SCLT1: variants seen among roughly 807,000 people sequenced by gnomAD.
SCLT1 encodes the protein sodium channel-associated protein 1.
Under a neutral mutation model 112.8 loss-of-function variants are expected in SCLT1, and 78 were observed. The ratio of observed to expected loss-of-function variants is 0.69; its 90% CI spans 0.58 to 0.83. SCLT1 has a LOEUF of 0.83. Ranked by LOEUF, SCLT1 falls within the 40% of genes least tolerant of loss-of-function variation. The pLI, the probability that SCLT1 is intolerant of heterozygous loss-of-function variation, is 0.00. For missense variants in SCLT1, 747 were observed against 770.4 expected, an observed-to-expected ratio of 0.97 and a Z score of 0.36; for synonymous variants, 257 against 254.7, an observed-to-expected ratio of 1.01 and a Z score of -0.09.
At chr4:128,942,302 T>C (rs948609647) in intron 17 of SCLT1, among the ~76,000 whole-genome samples, 13 of 152,174 alleles carry the variant, frequency 8.5e-5, no homozygotes, top group Middle Eastern at 3.4e-3. Context: ...AATAAAACAG[T>C]GACATGACCT....
chr4:129,061,882 G>A (rs771623832), intron 2 of SCLT1, among the ~76,000 whole-genome samples: 24 of 152,310 alleles, frequency 1.6e-4, no homozygotes, highest in Middle Eastern at 3.4e-3. Context: ...CACACTAGTT[G>A]CATAAGCCTC....
chr4:128,893,266 C>T (rs1189234010), intron 18 of SCLT1, among the ~76,000 whole-genome samples: 1 of 152,122 alleles, frequency 6.6e-6, no homozygotes, highest in Admixed American at 6.5e-5. Flanking sequence ...TTTAAGATCA[C>T]AAAGACACAA....
At chr4:128,934,004 T>C (rs2125979357) in intron 18 of SCLT1, among the ~76,000 whole-genome samples, 1 of 152,160 alleles carries the variant, frequency 6.6e-6, no homozygotes, top group East Asian at 1.9e-4. Context: ...AGTTAAGCCA[T>C]CAACTTCCTA....
chr4:129,083,484 T>C (rs1752136824), intron 1 of SCLT1, among the ~76,000 whole-genome samples: 1 of 150,272 alleles, frequency 6.7e-6, no homozygotes, highest in African/African-American at 2.4e-5. Context: ...ATCCTCTATA[T>C]GTTTGGAAGT....
chr4:129,021,954 GAGCAGGT>G (rs1379853688), intron 5 of SCLT1, among the ~76,000 whole-genome samples: 1 of 152,108 alleles, frequency 6.6e-6, no homozygotes, highest in East Asian at 1.9e-4. Context: ...CTCTGGGATG[GAGCAGGT>G]AGCAATTTTT....
At chr4:129,008,868 T>C (rs939772853) in intron 5 of SCLT1, among the ~76,000 whole-genome samples, 9 of 152,160 alleles carry the variant, frequency 5.9e-5, no homozygotes, top group African/African-American at 2.2e-4. Flanking sequence ...TACATGTCCA[T>C]GTGTTCTCAT....
intron 8 of SCLT1, among the ~76,000 whole-genome samples, chr4:128,993,993 T>A (rs1742796295): frequency 1.3e-5 from 2 of 152,116 alleles, no homozygotes; most frequent in African/African-American, 4.8e-5. Context: ...TAATTTGCAT[T>A]GGTAAAGAAA....
chr4:129,061,202 C>T (rs1749934437), intron 2 of SCLT1, among the ~76,000 whole-genome samples: 1 of 152,136 alleles, frequency 6.6e-6, no homozygotes, highest in Admixed American at 6.6e-5. Context: ...TTATCTGTAT[C>T]TTACTTTCTG....
At chr4:129,082,150 G>C (rs1751995772) in intron 2 of SCLT1, among the ~76,000 whole-genome samples, 156 bp downstream of exon 2, 1 of 152,112 alleles carries the variant, frequency 6.6e-6, no homozygotes, top group Admixed American at 6.5e-5. Flanking sequence ...ACTCTGGTTG[G>C]GGGGAAAAGG....
At chr4:128,970,694 T>C in intron 9 of SCLT1, 2 of 445,770 alleles carry the variant, frequency 4.5e-6, no homozygotes, top group Non-Finnish European at 8.0e-6. Context: ...GTAGAGGTCA[T>C]GAATGCTGTA....
chr4:129,023,179 C>T (rs1038197988), intron 5 of SCLT1, among the ~76,000 whole-genome samples: 3 of 152,194 alleles, frequency 2.0e-5, no homozygotes, highest in African/African-American at 7.2e-5. Context: ...CCAGTACCAG[C>T]CACTGCAAAA....
Position 128,891,142 on chromosome 4 carries a change from T to G in SCLT1, c.1830-5A>C, listed in dbSNP as rs58335620. ...TTCTGTCGACTCAGCTCACTCCTAT[T>G]AAGAGCACCAAAAAATCCATTAATA... On this transcript the variant is annotated splice_region_variant and splice_polypyrimidine_tract_variant and intron_variant, in intron 18 of 20. Transcript: ENST00000281142. 1 of 1,604,570 alleles carries G rather than the reference T, an allele frequency of 6.2e-7. No homozygotes were observed.
At chr4:129,050,508 T>C (rs1748677009) in intron 2 of SCLT1, among the ~76,000 whole-genome samples, 1 of 152,246 alleles carries the variant, frequency 6.6e-6, no homozygotes, top group Non-Finnish European at 1.5e-5. Context: ...TTTTTCTTCA[T>C]GTTTGTTGGC....
intron 2 of SCLT1, among the ~76,000 whole-genome samples, chr4:129,057,555 A>G (rs866869115): frequency 3.8e-4 from 32 of 84,388 alleles, no homozygotes; most frequent in African/African-American, 9.2e-4. Flanking sequence ...GTCCTGAGCT[A>G]GTTTTTTTTT....
intron 10 of SCLT1, among the ~76,000 whole-genome samples, chr4:128,969,555 C>A (rs1451057098): frequency 1.3e-5 from 2 of 151,956 alleles, no homozygotes; most frequent in Non-Finnish European, 2.9e-5. Context: ...CTGGGTGACA[C>A]AGCGAGACTC....
chr4:128,895,701 G>A (rs918037977), intron 18 of SCLT1, among the ~76,000 whole-genome samples: 1 of 152,194 alleles, frequency 6.6e-6, no homozygotes, highest in African/African-American at 2.4e-5. Flanking sequence ...AGGACAGTGG[G>A]TGCAGCGCAC....
intron 18 of SCLT1, among the ~76,000 whole-genome samples, chr4:128,916,853 T>C (rs1158070921): frequency 6.6e-6 from 1 of 152,168 alleles, no homozygotes; most frequent in Non-Finnish European, 1.5e-5. Context: ...TTAAATGTCT[T>C]GACTTAGTTC....
intron 14 of SCLT1, among the ~76,000 whole-genome samples, chr4:128,951,569 C>T (rs1319216555): frequency 6.6e-6 from 1 of 152,102 alleles, no homozygotes; most frequent in African/African-American, 2.4e-5. Flanking sequence ...AATATTCATG[C>T]CCTTGCAGAG....
In SCLT1 at chr4:129,079,686, C is replaced by T. The variant is rs931544457; in HGVS notation, c.102+2620G>A. 3.2e-4 allele frequency among the ~76,000 whole-genome samples: 48 copies of T among 152,270 alleles called. 1 individual carries two copies. Among genetic ancestry groups the T allele is most frequent in the African/African-American group, 4.6e-4 (19 of 41,568 alleles). On this transcript the variant is annotated intron_variant, in intron 2 of 20. Coordinates refer to ENST00000281142, the MANE Select transcript of SCLT1 (RefSeq NM_144643.4). The stretch of plus-strand genomic sequence containing the variant: ...TTGGTGGACCTACAATTCTTTGGTC[C>T]GGAGGATGGTAGCTCCCTTCTCACA...
Sources: allele counts gnomAD v4.1 joint callset (sites outside exome capture counted in the v4.1 genomes callset), GRCh38; gene constraint gnomAD v4.1.1; transcripts MANE v1.5; gene names NCBI Gene and HGNC (gene_info 2026-07-23, HGNC 2026-07-21).